Variants in PTPRD observed in about 807,000 individuals in gnomAD.
PTPRD encodes the protein protein tyrosine phosphatase receptor type D, also known as receptor-type tyrosine-protein phosphatase delta.
In PTPRD, 34 loss-of-function variants were observed where a neutral mutation model predicts 214.5. The ratio of observed to expected loss-of-function variants is 0.16; its 90% CI spans 0.12 to 0.21. The LOEUF (loss-of-function observed/expected upper bound fraction) is 0.21. Among genes scored for constraint, PTPRD ranks in the 10% least tolerant of loss-of-function variants. PTPRD has a pLI of 1.00. For synonymous variants in PTPRD, 1,128 were observed against 845.7 expected (o/e 1.33, Z -5.79); for missense variants, 2,545 against 2,398.7 (o/e 1.06, Z -1.27).
rs1442964277 is a variant in PTPRD, at chr9:8,496,964, A to T, written c.2349+278T>A. ...AGACAACACCCCTGTGTTTTAAAGCATGCCTCCTCTGACTGTCACAAGGCA... is the reference window on the plus strand; with the variant it reads ...AGACAACACCCCTGTGTTTTAAAGCTTGCCTCCTCTGACTGTCACAAGGCA... On this transcript the variant is annotated intron_variant, in intron 26 of 45. Transcript: ENST00000381196. Among the ~76,000 whole-genome samples the T allele has an allele frequency of 6.6e-5, 10 of 152,218 alleles. No individual in the cohort carries two copies. The East Asian group carries it at 1.9e-3, about 29-fold the overall frequency.
Position 9,317,178 on chromosome 9 carries a change from TTA to T in PTPRD, c.-203+80269_-203+80270del, listed in dbSNP as rs1353702821. Reference sequence around the variant, plus strand: ...CATTCACTTACTCCTTAAAAATTGGTTATGTTTCAGGTTTTGTCCTCTGCTCA... The same window carrying T: ...CATTCACTTACTCCTTAAAAATTGGTTGTTTCAGGTTTTGTCCTCTGCTCA... On this transcript the variant is annotated intron_variant, in intron 9 of 45. Transcript: ENST00000381196. Among the ~76,000 whole-genome samples the T allele has an allele frequency of 2.0e-5, 3 of 152,168 alleles. No homozygotes were observed. The East Asian group carries it at 5.8e-4, about 29-fold the overall frequency.
At chr9:10,563,541 A>G (rs1408705704) in intron 2 of PTPRD, among the ~76,000 whole-genome samples, 1 of 152,186 alleles carries the variant, frequency 6.6e-6, no homozygotes, top group African/African-American at 2.4e-5. Flanking sequence ...TATCATAAAT[A>G]TTACTAATGA....
intron 2 of PTPRD, among the ~76,000 whole-genome samples, chr9:10,490,926 G>A (rs575475130): frequency 4.1e-4 from 63 of 152,090 alleles, no homozygotes; most frequent in African/African-American, 1.5e-3. Flanking sequence ...TTATAAGTGG[G>A]GTTATAATCA....
intron 2 of PTPRD, among the ~76,000 whole-genome samples, chr9:10,599,210 T>C (rs1037930776): frequency 2.0e-5 from 3 of 151,710 alleles, no homozygotes; most frequent in Non-Finnish European, 4.4e-5. Flanking sequence ...AACCTGTATC[T>C]ACGAATGACC....
intron 11 of PTPRD, among the ~76,000 whole-genome samples, chr9:8,900,748 A>C (rs1179631417): frequency 6.6e-6 from 1 of 152,194 alleles, no homozygotes; most frequent in Non-Finnish European, 1.5e-5. Flanking sequence ...CCAAATTAGC[A>C]CTGAACACAC....
At chr9:9,867,080 T>C (rs1305633201) in intron 5 of PTPRD, among the ~76,000 whole-genome samples, 3 of 152,164 alleles carry the variant, frequency 2.0e-5, no homozygotes, top group Admixed American at 6.6e-5. Context: ...AGGGTTTCTT[T>C]ACAAAATCAT....
At chr9:8,903,082 A>C (rs2098682805) in intron 11 of PTPRD, among the ~76,000 whole-genome samples, 1 of 152,200 alleles carries the variant, frequency 6.6e-6, no homozygotes, top group Non-Finnish European at 1.5e-5. Flanking sequence ...TTAGGAATCC[A>C]AATCTGTTGT....
At chr9:10,519,793 C>A (rs536537981) in intron 2 of PTPRD, among the ~76,000 whole-genome samples, 1 of 151,962 alleles carries the variant, frequency 6.6e-6, no homozygotes, top group African/African-American at 2.4e-5. Context: ...TTACTATTGT[C>A]ATTGTTTCGG....
At chr9:9,256,735 G>C (rs2099977877) in intron 9 of PTPRD, among the ~76,000 whole-genome samples, 1 of 151,924 alleles carries the variant, frequency 6.6e-6, no homozygotes, top group Non-Finnish European at 1.5e-5. Flanking sequence ...AAAATGGATA[G>C]AAATGACACT....
At chr9:10,272,542 A>G (rs2094477873) in intron 3 of PTPRD, among the ~76,000 whole-genome samples, 1 of 152,164 alleles carries the variant, frequency 6.6e-6, no homozygotes. Context: ...TATTTTCTTC[A>G]TGTAATTTTC....
In PTPRD at chr9:8,733,849, A is replaced by T; in HGVS notation, c.-6T>A. 1 of 1,550,884 alleles carries T rather than the reference A, an allele frequency of 6.4e-7. No homozygotes were observed. Among genetic ancestry groups the T allele is most frequent in the South Asian group, 1.2e-5 (1 of 84,042 alleles). ...AGCCTGGCTACGTGCACCATCCTGCAGCTTGGCAGCAGCGTGCGCGAGCAG... is the reference window on the plus strand; with the variant it reads ...AGCCTGGCTACGTGCACCATCCTGCTGCTTGGCAGCAGCGTGCGCGAGCAG... On this transcript the variant is annotated 5_prime_UTR_variant, in exon 12 of 46. Coordinates refer to ENST00000381196, the MANE Select transcript of PTPRD (RefSeq NM_002839.4).
chr9:8,658,699 A>T (rs2096965032), intron 12 of PTPRD, among the ~76,000 whole-genome samples: 1 of 151,452 alleles, frequency 6.6e-6, no homozygotes, highest in South Asian at 2.1e-4. Context: ...GGTGAAGACA[A>T]GTCAGAAATT....
At chr9:9,398,554 G>T (rs1377630566) in intron 8 of PTPRD, among the ~76,000 whole-genome samples, 2 of 151,946 alleles carry the variant, frequency 1.3e-5, no homozygotes, top group Non-Finnish European at 2.9e-5. Context: ...AAACTTGACT[G>T]TTAAAGTCAT....
chr9:10,562,334 T>TC (rs2064216252), intron 2 of PTPRD, among the ~76,000 whole-genome samples: 1 of 151,980 alleles, frequency 6.6e-6, no homozygotes, highest in South Asian at 2.1e-4. Context: ...GTTAACTTTT[T>TC]TTTTTTTTTG....
intron 10 of PTPRD, among the ~76,000 whole-genome samples, chr9:9,020,672 G>A (rs988958986): frequency 6.6e-6 from 1 of 152,176 alleles, no homozygotes; most frequent in Admixed American, 6.5e-5. Context: ...TGAAATGCCT[G>A]TGAGACAATC....
Position 9,275,771 on chromosome 9 carries a change from C to T in PTPRD, c.-202-92408G>A, listed in dbSNP as rs546609080. ...ATTAGTGCAGGCACTCATTACTCAC[C>T]TCCCTCCCTTTAGAACAAGTTGCTT... On this transcript the variant is annotated intron_variant, in intron 9 of 45. Coordinates refer to ENST00000381196, the MANE Select transcript of PTPRD (RefSeq NM_002839.4). 4.0e-5 allele frequency among the ~76,000 whole-genome samples: 6 copies of T among 151,342 alleles called. No homozygotes were observed. The South Asian group carries it at 6.2e-4, about 16-fold the overall frequency.
At chr9:8,726,465 C>T (rs1214459367) in intron 12 of PTPRD, among the ~76,000 whole-genome samples, 1 of 148,242 alleles carries the variant, frequency 6.7e-6, no homozygotes, top group Non-Finnish European at 1.5e-5. Flanking sequence ...GGTGTGGTGG[C>T]TAACGCCTAT....
At chr9:9,942,545 G>T (rs949935421) in intron 4 of PTPRD, among the ~76,000 whole-genome samples, 2 of 152,118 alleles carry the variant, frequency 1.3e-5, no homozygotes, top group African/African-American at 2.4e-5. Context: ...AAATGAATCT[G>T]TAACTATCAG....
At chr9:9,399,302 T>C (rs181798466) in intron 8 of PTPRD, among the ~76,000 whole-genome samples, 3 of 152,158 alleles carry the variant, frequency 2.0e-5, no homozygotes, top group African/African-American at 7.2e-5. Context: ...TACCTAAGCA[T>C]AGAATGTGAT....
Sources: gnomAD v4.1 joint callset for allele counts (sites outside exome capture counted in the v4.1 genomes callset) on GRCh38, gnomAD v4.1.1 for gene constraint, MANE v1.5 for transcripts, NCBI Gene and HGNC (gene_info 2026-07-23, HGNC 2026-07-21) for gene names.